The following NPR1 variants were observed in gnomAD, a reference collection of about 807,000 sequenced individuals.
NPR1 encodes natriuretic peptide receptor 1, also known as atrial natriuretic peptide receptor 1.
In NPR1, 57 loss-of-function variants were observed where a neutral mutation model predicts 116.9. The ratio of observed to expected loss-of-function variants is 0.49; its 90% CI spans 0.39 to 0.61. NPR1 has a LOEUF of 0.61. Ranked by LOEUF, NPR1 falls within the 20% of genes least tolerant of loss-of-function variation. The probability of loss-of-function intolerance (pLI) is 0.00; values close to 1 mark genes in which losing one functional copy is unlikely to be tolerated. For missense variants in NPR1, 1,096 were observed against 1,409.8 expected (o/e 0.78, Z 3.56); for synonymous variants, 555 against 601.6 (o/e 0.92, Z 1.13).
chr1:153,687,051 G>A lies in NPR1; in HGVS notation c.1899G>A (p.Trp633Ter). ...ILENESITLD[W>*]MFRYSLTNDI... Reference sequence around the variant, plus strand: ...AGAATGAGAGCATCACCCTGGACTGGATGTTCCGGTACTCACTCACCAATG... The same window carrying A: ...AGAATGAGAGCATCACCCTGGACTGAATGTTCCGGTACTCACTCACCAATG... The change falls in exon 12 of 22, where the codon TGG (tryptophan) becomes TGA (stop). Residue 633 changes from tryptophan (W) to a stop codon, truncating the protein, a stop_gained. Transcript: ENST00000368680. LOFTEE classifies it high-confidence loss of function. 3 of 1,614,104 alleles carry A rather than the reference G, an allele frequency of 1.9e-6. No individual in the cohort carries two copies. The highest frequency in any genetic ancestry group is 2.5e-6 in the Non-Finnish European group (3 of 1,179,994).
chr1:153,686,763 A>T lies in NPR1; in HGVS notation c.1863+13A>T. The T allele has an allele frequency of 6.2e-7, 1 of 1,607,440 alleles. No individual in the cohort carries two copies. The highest frequency in any genetic ancestry group is 1.3e-5 in the African/African-American group (1 of 74,892). On this transcript the variant is annotated intron_variant, in intron 11 of 21. Coordinates refer to ENST00000368680, the MANE Select transcript of NPR1 (RefSeq NM_000906.4). ...TGGGAGCCTGCAGGTGAGGGGGACA[A>T]GGGGTGTCAAGAAACCTGGGTTCTA... is the stretch of plus-strand genomic sequence containing the variant.
At position 153,689,289 on chromosome 1, in the gene NPR1, C is replaced by G. The variant is rs1404234024; in HGVS notation, c.2666C>G (p.Ser889Trp). ...FSDIVGFTALSAESTPMQVVT... is the reference protein window; with the variant it reads ...FSDIVGFTALWAESTPMQVVT... ...GACATTGTGGGTTTCACAGCGCTGT[C>G]GGCGGAGAGCACACCCATGCAGGTA... Residue 889 changes from serine (S) to tryptophan (W), a missense_variant, in exon 17 of 22, where the codon TCG (serine) becomes TGG (tryptophan). Transcript: ENST00000368680. The surrounding 1 kb of genome is among the most constrained non-coding windows in gnomAD (Gnocchi z 5.1). 2 of 1,614,222 alleles carry G rather than the reference C, an allele frequency of 1.2e-6. No homozygotes were observed. Among genetic ancestry groups the G allele is most frequent in the East Asian group, 2.2e-5 (1 of 44,880 alleles).
In NPR1 at chr1:153,693,633, C is replaced by T. The variant is rs1487815461; in HGVS notation, c.*219C>T. The T allele has an allele frequency of 4.1e-6, 2 of 490,618 alleles. No homozygotes were observed. Among genetic ancestry groups the T allele is most frequent in the Non-Finnish European group, 7.1e-6 (2 of 280,946 alleles). 30.4% of individuals were successfully genotyped at this position (490,618 alleles called of 1,614,324 possible). ...CTTACAGGCTGAGCCAAGCCCACGG[C>T]CATGCACAGGGACACTCACACAGGC... On this transcript the variant is annotated 3_prime_UTR_variant, in exon 22 of 22. Coordinates refer to ENST00000368680, the MANE Select transcript of NPR1 (RefSeq NM_000906.4).
Position 153,679,972 on chromosome 1 carries a change from C to A in NPR1, c.721+143C>A. ...TTCATTCTACTTTCAGCTCCCTGGC[C>A]CTTTCTACAGCTGAGTTTCTATTTC... On this transcript the variant is annotated intron_variant, in intron 1 of 21. Transcript: ENST00000368680. The surrounding 1 kb of genome is among the most constrained non-coding windows in gnomAD (Gnocchi z 4.2). 1.7e-6 allele frequency: 2 copies of A among 1,156,456 alleles called. No homozygotes were observed. Among genetic ancestry groups the A allele is most frequent in the Non-Finnish European group, 2.4e-6 (2 of 838,934 alleles). 71.6% of individuals were successfully genotyped at this position (1,156,456 alleles called of 1,614,324 possible). A position where few individuals can be genotyped will look rare whatever the true frequency, so the allele number is the denominator to read the frequency against.
At position 153,683,364 on chromosome 1, in the gene NPR1, G is replaced by C. The variant is rs770864302; in HGVS notation, c.1264-12G>C. On this transcript the variant is annotated splice_polypyrimidine_tract_variant and intron_variant, in intron 5 of 21. Transcript: ENST00000368680. ...AGGCCCTGGCCTAGCCACCACTCCT[G>C]CTCTCCCTTAGGTTGTACTGAACTA... is the stretch of plus-strand genomic sequence containing the variant. 2 of 1,612,880 alleles carry C rather than the reference G, an allele frequency of 1.2e-6. No homozygotes were observed. Among genetic ancestry groups the C allele is most frequent in the South Asian group, 1.1e-5 (1 of 90,934 alleles).
Position 153,680,670 on chromosome 1 carries a change from G to A in NPR1, c.891G>A (p.Gly297=). ...GCAGGCCCTGGGAGAGAGGGGATGG[G>A]CAGGATGTCAGTGCCCGCCAGGCCT... ...APRRPWERGD[G]QDVSARQAFQ... The change falls in exon 2 of 22, where the codon GGG becomes GGA. Residue 297 remains glycine, a synonymous_variant. Coordinates refer to ENST00000368680, the MANE Select transcript of NPR1 (RefSeq NM_000906.4). 6.2e-7 allele frequency: 1 copy of A among 1,613,966 alleles called. No homozygotes were observed.
At position 153,688,130 on chromosome 1, in the gene NPR1, T is replaced by G; in HGVS notation, c.2326T>G (p.Leu776Val). The change falls in exon 15 of 22, where the codon TTG becomes GTG. Residue 776 changes from leucine to valine, a missense_variant. Coordinates refer to ENST00000368680, the MANE Select transcript of NPR1 (RefSeq NM_000906.4). ...GGCCCTGCAGAGTCACCTGGAGGAG[T>G]TGGGGCTGCTCATGCAGCGGTGCTG... is the stretch of plus-strand genomic sequence containing the variant. ...SLALQSHLEE[L>V]GLLMQRCWAE... The G allele has an allele frequency of 6.2e-7, 1 of 1,613,054 alleles. No homozygotes were observed. The highest frequency in any genetic ancestry group is 8.5e-7 in the Non-Finnish European group (1 of 1,179,638).
intron 20 of NPR1, 134 bp downstream of exon 20, chr1:153,690,516 A>G (rs1394145870): frequency 3.2e-6 from 2 of 624,490 alleles, no homozygotes; most frequent in Non-Finnish European, 5.8e-6. Context: ...TTCTCATAAT[A>G]TTAAGAGTTC....
At chr1:153,680,469 G>A (rs918927668) in intron 1 of NPR1, 32 bp from the exon 2 acceptor site, 2 of 1,607,746 alleles carry the variant, frequency 1.2e-6, no homozygotes, top group Middle Eastern at 1.7e-4. Context: ...CAGTACCTAG[G>A]CTTCTCTCTC....
At chr1:153,683,945 G>C (rs776990135) in intron 7 of NPR1, 121 bp downstream of exon 7, 51 of 792,576 alleles carry the variant, frequency 6.4e-5, no homozygotes, top group Non-Finnish European at 1.0e-4. Context: ...GAAAACCAAG[G>C]GAGATGAGGA....
At position 153,679,602 on chromosome 1, in the gene NPR1, T is replaced by C; in HGVS notation, c.494T>C (p.Leu165Pro). 6.3e-7 allele frequency: 1 copy of C among 1,582,784 alleles called. No homozygotes were observed. The change falls in exon 1 of 22, where the codon CTG (leucine) becomes CCG (proline). Residue 165 changes from leucine to proline, a missense_variant. Physicochemically the swap from Leu to Pro is moderately conservative, Grantham distance 98. Transcript: ENST00000368680. This position sits in a 1 kb window ranked among gnomAD's most constrained non-coding sequence, Gnocchi z 4.2. ...TTRAGPSYAK[L>P]GDFVAALHRR... Reference sequence around the variant, plus strand: ...CGCGCGGGGCCCAGCTACGCCAAGCTGGGGGACTTCGTGGCGGCGCTGCAC... The same window carrying C: ...CGCGCGGGGCCCAGCTACGCCAAGCCGGGGGACTTCGTGGCGGCGCTGCAC...
rs868713484 is a variant in NPR1, at chr1:153,679,916, C to T, written c.721+87C>T. The T allele has an allele frequency of 2.1e-6, 3 of 1,462,824 alleles. No homozygotes were observed. The Middle Eastern group carries it at 6.3e-4, about 309-fold the overall frequency. The allele number at this position is 1,462,824 out of a possible 1,614,324, so 90.6% of individuals were successfully genotyped here. ...GAGGCATCGGGACTTTCTCTCTCAT[C>T]TGGGGGCACTCTTCTTTCTCCTCGC... On this transcript the variant is annotated intron_variant, in intron 1 of 21. Coordinates refer to ENST00000368680, the MANE Select transcript of NPR1 (RefSeq NM_000906.4). This position sits in a 1 kb window ranked among gnomAD's most constrained non-coding sequence, Gnocchi z 4.2.
In NPR1 at chr1:153,684,961, C is replaced by T. The variant is rs1303245518; in HGVS notation, c.1485-3C>T. On this transcript the variant is annotated splice_region_variant and splice_polypyrimidine_tract_variant and intron_variant, in intron 7 of 21. Transcript: ENST00000368680. ...AGGCTCAGATGCAGCCTTCGTATCC[C>T]AGGAAGATGCAGCTGGAGAAGGAAC... is the stretch of plus-strand genomic sequence containing the variant. The T allele has an allele frequency of 6.2e-7, 1 of 1,614,028 alleles. No individual in the cohort carries two copies. The highest frequency in any genetic ancestry group is 8.5e-7 in the Non-Finnish European group (1 of 1,179,934).
chr1:153,679,826 C>A lies in NPR1; in HGVS notation c.718C>A (p.Arg240=). The change falls in exon 1 of 22, where the codon CGA becomes AGA. Residue 240 remains arginine (R), a synonymous_variant. Transcript: ENST00000368680. The surrounding 1 kb of genome is among the most constrained non-coding windows in gnomAD (Gnocchi z 4.2). ...GCTGCGGACCATGCCGCGCAAAGGC[C>A]GAGGTGAGACGCTGGCACACCCCGT... ...RLLRTMPRKG[R]VIYICSSPDA... 5 of 1,538,938 alleles carry A rather than the reference C, an allele frequency of 3.2e-6. No individual in the cohort carries two copies. The highest frequency in any genetic ancestry group is 1.2e-5 in the South Asian group (1 of 84,234).
At position 153,679,146 on chromosome 1, in the gene NPR1, G is replaced by T. The variant is rs13305997; in HGVS notation, c.38G>T (p.Arg13Leu). The change falls in exon 1 of 22, where the codon CGC becomes CTC. Residue 13 changes from arginine to leucine, a missense_variant. By Grantham distance (102) the Arg-to-Leu change is moderately radical. Coordinates refer to ENST00000368680, the MANE Select transcript of NPR1 (RefSeq NM_000906.4). This position sits in a 1 kb window ranked among gnomAD's most constrained non-coding sequence, Gnocchi z 4.2. ...CGGCGCCCCGCTGGCTCCCGCCTGC[G>T]CCTGCTCCTGCTCCTGCTGCTGCCG... ...GPRRPAGSRL[R>L]LLLLLLLPPL... 1.2e-4 allele frequency: 181 copies of T among 1,475,070 alleles called. 1 individual carries two copies. The East Asian group carries it at 4.9e-3, about 40-fold the overall frequency. 91.4% of individuals were successfully genotyped at this position (1,475,070 alleles called of 1,614,324 possible). A position where few individuals can be genotyped will look rare whatever the true frequency, so the allele number is the denominator to read the frequency against.
rs149202797 is a variant in NPR1 at position 153,685,830 on chromosome 1, C to A, written c.1630C>A (p.Leu544Ile). ...GAGAGGCTCCAATTACGGCTCCCTG[C>A]TAACCACAGAGGGCCAGTTCCAAGT... ...SGRGSNYGSLLTTEGQFQVFA... is the reference protein window; with the variant it reads ...SGRGSNYGSLITTEGQFQVFA... The change falls in exon 9 of 22, where the codon CTA becomes ATA. Residue 544 changes from leucine (L) to isoleucine (I), a missense_variant. Transcript: ENST00000368680. 9.7e-5 allele frequency: 156 copies of A among 1,614,170 alleles called. No individual in the cohort carries two copies. In the Middle Eastern group the frequency reaches 1.6e-3, roughly 17 times the overall value.
intron 15 of NPR1, 45 bp downstream of exon 15, chr1:153,688,266 C>A: frequency 6.3e-7 from 1 of 1,580,822 alleles, no homozygotes; most frequent in South Asian, 1.1e-5. Context: ...TCCTCCACAG[C>A]CACCATTTAC....
At chr1:153,681,338 C>T (rs1271723473) in intron 3 of NPR1, 45 bp downstream of exon 3, 6 of 1,069,066 alleles carry the variant, frequency 5.6e-6, no homozygotes, top group Non-Finnish European at 8.7e-6. Context: ...CTCCAGCCCC[C>T]ACTCCATGAC....
At chr1:153,685,925 G>T in intron 9 of NPR1, 45 bp downstream of exon 9, 1 of 1,566,696 alleles carries the variant, frequency 6.4e-7, no homozygotes, top group East Asian at 2.2e-5. Context: ...TGGGGCAGGA[G>T]TGTACTCTGA....
Sources: gnomAD v4.1 joint callset for allele counts on GRCh38, gnomAD v4.1.1 for gene constraint, Gnocchi (gnomAD v3.1) non-coding constraint, MANE v1.5 for transcripts, NCBI Gene and HGNC (gene_info 2026-07-23, HGNC 2026-07-21) for gene names.